RTF1: variants seen among roughly 807,000 people sequenced by gnomAD.
The protein encoded by RTF1 is RNA polymerase-associated protein RTF1 homolog.
In RTF1, 10 loss-of-function variants were observed where a neutral mutation model predicts 95.7. The ratio of observed to expected loss-of-function variants is 0.10; its 90% CI spans 0.06 to 0.18. The LOEUF is 0.18. Among genes scored for constraint, RTF1 ranks in the 10% least tolerant of loss-of-function variants. The pLI, the probability that RTF1 is intolerant of heterozygous loss-of-function variation, is 1.00. For missense variants in RTF1, 458 were observed against 875.6 expected, an observed-to-expected ratio of 0.52 and a Z score of 6.02; for synonymous variants, 305 against 311.8, an observed-to-expected ratio of 0.98 and a Z score of 0.23.
At chr15:41,478,780 T>C in intron 15 of RTF1, 155 bp downstream of exon 15, 1 of 673,252 alleles carries the variant, frequency 1.5e-6, no homozygotes, top group Non-Finnish European at 2.6e-6. Flanking sequence ...CTTTTTTATC[T>C]TGCTATAGGA....
chr15:41,463,033 G>A (rs1483886051), intron 4 of RTF1, among the ~76,000 whole-genome samples: 2 of 152,162 alleles, frequency 1.3e-5, no homozygotes, highest in Non-Finnish European at 2.9e-5. Context: ...TAGATTACAG[G>A]CATTAGCCAC....
chr15:41,459,865 A>G (rs536379949), intron 4 of RTF1, among the ~76,000 whole-genome samples: 10 of 152,188 alleles, frequency 6.6e-5, no homozygotes, highest in African/African-American at 2.4e-4. Context: ...TTATCTCCTA[A>G]CAGAATTTCA....
Position 41,480,905 on chromosome 15 carries a change from G to C in RTF1, c.*218G>C. 1 of 567,640 alleles carries C rather than the reference G, an allele frequency of 1.8e-6. No homozygotes were observed. The highest frequency in any genetic ancestry group is 2.2e-5 in the South Asian group (1 of 46,180). The allele number at this position is 567,640 out of a possible 1,614,324, so 35.2% of individuals were successfully genotyped here. A position where few individuals can be genotyped will look rare whatever the true frequency, so the allele number is the denominator to read the frequency against. ...CTCCCCTCCCCCAGGGCCCCACCCA[G>C]TGTGGGCCTGGGCTCTCTTGGGCTT... On this transcript the variant is annotated 3_prime_UTR_variant, in exon 18 of 18. Transcript: ENST00000389629.
At chr15:41,435,022 G>C (rs1221533256) in intron 1 of RTF1, among the ~76,000 whole-genome samples, 6 of 150,312 alleles carry the variant, frequency 4.0e-5, no homozygotes, top group South Asian at 4.2e-4. Context: ...GTGCAGTGGC[G>C]TGATCTCAGC....
chr15:41,478,936 T>G, intron 15 of RTF1, 167 bp from the exon 16 acceptor site: 1 of 618,424 alleles, frequency 1.6e-6, no homozygotes, highest in Non-Finnish European at 2.8e-6. Context: ...TTCAAGCTTG[T>G]AATTGCCTTT....
chr15:41,465,284 C>T (rs2050875187), intron 5 of RTF1, among the ~76,000 whole-genome samples: 1 of 151,948 alleles, frequency 6.6e-6, no homozygotes, highest in Non-Finnish European at 1.5e-5. Context: ...CTCAAGCAGT[C>T]CTCCTGAGTT....
chr15:41,469,630 A>G (rs900566135), intron 6 of RTF1, among the ~76,000 whole-genome samples: 3 of 151,636 alleles, frequency 2.0e-5, no homozygotes, highest in African/African-American at 7.3e-5. Flanking sequence ...GGTTCAAGCG[A>G]TTCTCCTGCC....
chr15:41,439,553 C>T (rs946867043), intron 2 of RTF1, among the ~76,000 whole-genome samples: 1 of 152,178 alleles, frequency 6.6e-6, no homozygotes, highest in Non-Finnish European at 1.5e-5. Flanking sequence ...TACCTACCAA[C>T]AATGGCAGGC....
At chr15:41,479,899 T>G (rs1175465412) in intron 16 of RTF1, among the ~76,000 whole-genome samples, 1 of 151,126 alleles carries the variant, frequency 6.6e-6, no homozygotes, top group Non-Finnish European at 1.5e-5. Flanking sequence ...TCTGTCCAAG[T>G]TAAGTCTTTT....
intron 8 of RTF1, among the ~76,000 whole-genome samples, chr15:41,473,407 C>T (rs1056089735): frequency 6.6e-6 from 1 of 150,986 alleles, no homozygotes; most frequent in South Asian, 2.1e-4. Context: ...GCTGGGATTA[C>T]AGGTGTGAGC....
chr15:41,459,599 T>C (rs1325388184), intron 4 of RTF1, among the ~76,000 whole-genome samples: 1 of 152,200 alleles, frequency 6.6e-6, no homozygotes, highest in Non-Finnish European at 1.5e-5. Flanking sequence ...CAAATTGGCT[T>C]CAAATTGTTC....
At chr15:41,479,278 C>A (rs1489608927) in intron 16 of RTF1, 80 bp downstream of exon 16, 1 of 942,322 alleles carries the variant, frequency 1.1e-6, no homozygotes, top group Non-Finnish European at 1.7e-6. Flanking sequence ...CTAGTTTGGG[C>A]TTGATTTTTC....
In RTF1 at chr15:41,452,954, G is replaced by A; in HGVS notation, c.363G>A (p.Glu121=). 1 of 1,612,870 alleles carries A rather than the reference G, an allele frequency of 6.2e-7. No individual in the cohort carries two copies. The highest frequency in any genetic ancestry group is 8.5e-7 in the Non-Finnish European group (1 of 1,179,570). The change falls in exon 3 of 18, where the codon GAG becomes GAA. Residue 121 remains glutamate, a synonymous_variant. Coordinates refer to ENST00000389629, the MANE Select transcript of RTF1 (RefSeq NM_015138.5). ...AGAAAGGAAAAGCCAGAAAAATAGAGAAGAAAGGAACCATGAAGAAACAGG... is the reference window on the plus strand; with the variant it reads ...AGAAAGGAAAAGCCAGAAAAATAGAAAAGAAAGGAACCATGAAGAAACAGG... ...NKKKGKARKI[E]KKGTMKKQAN... is the part of the protein sequence containing the mutation.
chr15:41,417,475 G>A (rs899289752), intron 1 of RTF1, among the ~76,000 whole-genome samples, 162 bp downstream of exon 1: 2 of 152,190 alleles, frequency 1.3e-5, no homozygotes. Flanking sequence ...GGAGTGTGCG[G>A]GGCCTTGGAG....
intron 5 of RTF1, 30 bp downstream of exon 5, chr15:41,464,915 A>G (rs1395884968): frequency 2.0e-6 from 3 of 1,510,250 alleles, no homozygotes; most frequent in Non-Finnish European, 2.6e-6. Flanking sequence ...TCATTGTCCA[A>G]AGAATAAACC....
At chr15:41,475,276 G>A (rs2050936739) in intron 9 of RTF1, among the ~76,000 whole-genome samples, 2 of 152,312 alleles carry the variant, frequency 1.3e-5, no homozygotes, top group South Asian at 4.1e-4. Flanking sequence ...TGTTGATGTT[G>A]ACTGTAATGG....
chr15:41,483,423 TCTTG>T lies in RTF1; in HGVS notation c.*2740_*2743del, dbSNP rs1451002550. 6.6e-6 allele frequency: 1 copy of T among 152,628 alleles called. No individual in the cohort carries two copies. The highest frequency in any genetic ancestry group is 1.5e-5 in the Non-Finnish European group (1 of 68,032). The allele number at this position is 152,628 out of a possible 1,614,324, so 9.5% of individuals were successfully genotyped here. A position where few individuals can be genotyped will look rare whatever the true frequency, so the allele number is the denominator to read the frequency against. On this transcript the variant is annotated 3_prime_UTR_variant, in exon 18 of 18. Transcript: ENST00000389629. ...TAATGTTTATAGGTCTGTTTGTCTG[TCTTG>T]CTTCTGGCAGGTGTAGGGAAAGTCT...
chr15:41,477,299 G>T lies in RTF1; in HGVS notation c.1682+13G>T. ...TATCCGCTATCAGGTGTGTTATGGA[G>T]CCTATTTTTGGCCCGCAGACCTTGG... On this transcript the variant is annotated intron_variant, in intron 13 of 17. Coordinates refer to ENST00000389629, the MANE Select transcript of RTF1 (RefSeq NM_015138.5). The T allele has an allele frequency of 6.2e-7, 1 of 1,614,212 alleles. No homozygotes were observed. The highest frequency in any genetic ancestry group is 8.5e-7 in the Non-Finnish European group (1 of 1,180,018).
chr15:41,478,447 T>G, intron 14 of RTF1, 101 bp from the exon 15 acceptor site: 1 of 843,654 alleles, frequency 1.2e-6, no homozygotes, highest in Non-Finnish European at 1.9e-6. Flanking sequence ...ATAGCTTTTT[T>G]TTTTTTCAGT....
Sources: gnomAD v4.1 joint callset for allele counts (sites outside exome capture counted in the v4.1 genomes callset) on GRCh38, gnomAD v4.1.1 for gene constraint, MANE v1.5 for transcripts, NCBI Gene and HGNC (gene_info 2026-07-23, HGNC 2026-07-21) for gene names.